FGF12: variants seen among roughly 807,000 people sequenced by gnomAD.
FGF12 encodes fibroblast growth factor 12B.
Under a neutral mutation model 23.6 loss-of-function variants are expected in FGF12, and 14 were observed. The ratio of observed to expected loss-of-function variants is 0.59; its 90% CI spans 0.39 to 0.93. The LOEUF is 0.93. Among genes scored for constraint, FGF12 ranks in the 40% least tolerant of loss-of-function variants. The pLI, the probability that FGF12 is intolerant of heterozygous loss-of-function variation, is 0.00. For missense variants in FGF12, 175 were observed against 217.8 expected, an observed-to-expected ratio of 0.80 and a Z score of 1.24; for synonymous variants, 62 against 77.3, an observed-to-expected ratio of 0.80 and a Z score of 1.04.
At chr3:192,672,418 T>C (rs1717158445) in intron 2 of FGF12, among the ~76,000 whole-genome samples, 2 of 150,998 alleles carry the variant, frequency 1.3e-5, no homozygotes, top group South Asian at 4.2e-4. Context: ...ACATTAAAAT[T>C]GTCATTCTAG....
At chr3:192,681,596 G>A (rs754424847) in intron 2 of FGF12, among the ~76,000 whole-genome samples, 8 of 152,218 alleles carry the variant, frequency 5.3e-5, no homozygotes, top group Non-Finnish European at 1.0e-4. Flanking sequence ...GAGGGATTTA[G>A]AAATGAATAA....
At chr3:192,190,467 T>TA (rs1716718111) in intron 4 of FGF12, among the ~76,000 whole-genome samples, 1 of 137,092 alleles carries the variant, frequency 7.3e-6, no homozygotes, top group Non-Finnish European at 1.6e-5. Flanking sequence ...AGCCCAATAC[T>TA]CTTTTTTTTT....
intron 2 of FGF12, among the ~76,000 whole-genome samples, chr3:192,391,023 A>C (rs1156920131): frequency 6.6e-6 from 1 of 152,194 alleles, no homozygotes; most frequent in Non-Finnish European, 1.5e-5. Flanking sequence ...CTCAGATGTT[A>C]ATCTGTGGCT....
intron 4 of FGF12, among the ~76,000 whole-genome samples, chr3:192,273,677 T>C (rs1979697): frequency 0.49 from 74,237 of 152,034 alleles, 19,626 homozygotes; most frequent in East Asian, 0.99. Flanking sequence ...AATGAATGGA[T>C]GTATATCTGA....
intron 2 of FGF12, among the ~76,000 whole-genome samples, chr3:192,670,760 A>G (rs1717081621): frequency 6.6e-6 from 1 of 152,212 alleles, no homozygotes; most frequent in African/African-American, 2.4e-5. Flanking sequence ...ATCAATAAGA[A>G]TGGTTAAAGC....
chr3:192,441,929 A>G (rs761522170), intron 2 of FGF12, among the ~76,000 whole-genome samples: 2 of 152,226 alleles, frequency 1.3e-5, no homozygotes, highest in Non-Finnish European at 2.9e-5. Context: ...TTATAGCTTA[A>G]GTTTCCCTTA....
chr3:192,488,083 A>C (rs999361677), intron 2 of FGF12, among the ~76,000 whole-genome samples: 1 of 152,066 alleles, frequency 6.6e-6, no homozygotes, highest in African/African-American at 2.4e-5. Context: ...TCTCCAAACA[A>C]CACCAGTTAC....
intron 2 of FGF12, among the ~76,000 whole-genome samples, chr3:192,487,091 G>A (rs1723657633): frequency 6.6e-6 from 1 of 151,996 alleles, no homozygotes; most frequent in Non-Finnish European, 1.5e-5. Flanking sequence ...AGTAGTAGCT[G>A]GTTAATTTCC....
At chr3:192,678,326 A>T (rs903261210) in intron 2 of FGF12, among the ~76,000 whole-genome samples, 18 of 152,360 alleles carry the variant, frequency 1.2e-4, no homozygotes, top group African/African-American at 4.1e-4. Flanking sequence ...AGCCAAGCTG[A>T]CTGCAGAGCT....
chr3:192,670,243 T>G (rs1717060504), intron 2 of FGF12, among the ~76,000 whole-genome samples: 4 of 152,172 alleles, frequency 2.6e-5, no homozygotes, highest in African/African-American at 9.6e-5. Context: ...ACACTAATTT[T>G]TTGTTTTCAA....
chr3:192,294,951 C>T (rs942209953), intron 4 of FGF12, among the ~76,000 whole-genome samples: 3 of 152,130 alleles, frequency 2.0e-5, no homozygotes, highest in Admixed American at 1.3e-4. Context: ...CCCATAAGAC[C>T]CTAACTTAAA....
intron 2 of FGF12, among the ~76,000 whole-genome samples, chr3:192,476,796 A>G (rs1370482890): frequency 6.6e-6 from 1 of 152,158 alleles, no homozygotes; most frequent in Non-Finnish European, 1.5e-5. Context: ...CAAATTGTAA[A>G]TGAGTTTGGA....
At chr3:192,238,763 C>A (rs1719440175) in intron 4 of FGF12, 3 of 152,144 alleles carry the variant, frequency 2.0e-5, no homozygotes, top group African/African-American at 7.2e-5. Context: ...CTCACAGGTC[C>A]AAAGTTTACT....
At chr3:192,144,822 T>C (rs956804438) in intron 5 of FGF12, among the ~76,000 whole-genome samples, 1 of 152,238 alleles carries the variant, frequency 6.6e-6, no homozygotes, top group Non-Finnish European at 1.5e-5. Context: ...ATCATGGCTA[T>C]TCCTAGATAA....
At chr3:192,397,660 G>A (rs550608913) in intron 2 of FGF12, among the ~76,000 whole-genome samples, 12 of 152,126 alleles carry the variant, frequency 7.9e-5, no homozygotes, top group Admixed American at 2.0e-4. Context: ...TTTCTGTTGC[G>A]GCCTCTGTGG....
intron 4 of FGF12, among the ~76,000 whole-genome samples, chr3:192,183,384 G>T (rs1209459617): frequency 6.6e-6 from 1 of 152,094 alleles, no homozygotes; most frequent in Non-Finnish European, 1.5e-5. Context: ...AGAGTAATCT[G>T]CTAGATAAAC....
At chr3:192,605,403 A>T (rs2108635200) in intron 2 of FGF12, among the ~76,000 whole-genome samples, 1 of 151,884 alleles carries the variant, frequency 6.6e-6, no homozygotes, top group African/African-American at 2.4e-5. Context: ...AAAATCCTAG[A>T]AGAAAACCCA....
intron 2 of FGF12, among the ~76,000 whole-genome samples, chr3:192,401,482 C>T: frequency 6.6e-6 from 1 of 152,176 alleles, no homozygotes; most frequent in Non-Finnish European, 1.5e-5. Context: ...TCTGGATCCA[C>T]TAAAAGATTT....
intron 4 of FGF12, among the ~76,000 whole-genome samples, chr3:192,234,901 G>T (rs972747002): frequency 1.3e-5 from 2 of 152,134 alleles, no homozygotes; most frequent in African/African-American, 4.8e-5. Context: ...CTGCTTTATT[G>T]TGGTGGATTA....
Sources: gnomAD v4.1 joint callset for allele counts (sites outside exome capture counted in the v4.1 genomes callset) on GRCh38, gnomAD v4.1.1 for gene constraint, MANE v1.5 for transcripts, NCBI Gene and HGNC (gene_info 2026-07-23, HGNC 2026-07-21) for gene names.